Variants in ABHD16A observed in about 807,000 individuals in gnomAD.
ABHD16A encodes phosphatidylserine lipase ABHD16A.
A neutral mutation model predicts 89.8 loss-of-function variants in ABHD16A; 47 were observed. The ratio of observed to expected loss-of-function variants is 0.52; its 90% CI spans 0.41 to 0.67. ABHD16A has a LOEUF of 0.67. Ranked by LOEUF, ABHD16A falls within the 30% of genes least tolerant of loss-of-function variation. The pLI, the probability that ABHD16A is intolerant of heterozygous loss-of-function variation, is 0.00. For synonymous variants in ABHD16A, 251 were observed against 280.4 expected (o/e 0.90, Z 1.05); for missense variants, 580 against 734.6 (o/e 0.79, Z 2.43).
In ABHD16A at chr6:31,703,295, G is replaced by A. The variant is rs765044405; in HGVS notation, c.-14C>T. The A allele has an allele frequency of 1.5e-6, 2 of 1,342,654 alleles. No homozygotes were observed. The highest frequency in any genetic ancestry group is 2.3e-5 in the South Asian group (1 of 44,314). The allele number at this position is 1,342,654 out of a possible 1,614,324, so 83.2% of individuals were successfully genotyped here. ...CAGCTTCGCCATGGCCCCGGCTCGG[G>A]CCGCTGCTCTTCCAGCAGCAGGTCC... On this transcript the variant is annotated 5_prime_UTR_variant, in exon 1 of 20. Coordinates refer to ENST00000395952, the MANE Select transcript of ABHD16A (RefSeq NM_021160.3).
intron 8 of ABHD16A, 60 bp from the exon 9 acceptor site, chr6:31,691,740 G>A: frequency 6.5e-7 from 1 of 1,538,168 alleles, no homozygotes; most frequent in South Asian, 1.2e-5. Flanking sequence ...TCACAGGGGT[G>A]GGGCGGGGTG....
In ABHD16A at chr6:31,693,660, T is replaced by C. The variant is rs973461086; in HGVS notation, c.430-228A>G. On this transcript the variant is annotated intron_variant, in intron 5 of 19. Transcript: ENST00000395952. This position sits in a 1 kb window ranked among gnomAD's most constrained non-coding sequence, Gnocchi z 5.0. ...ATCAGGACTGGCCTGTCTGCCCTCT[T>C]CCAAGCTAAGAACCTAACACTCTGC... 3.9e-5 allele frequency among the ~76,000 whole-genome samples: 6 copies of C among 152,140 alleles called. No individual in the cohort carries two copies. Among genetic ancestry groups the C allele is most frequent in the African/African-American group, 1.4e-4 (6 of 41,432 alleles).
chr6:31,702,815 C>T, intron 1 of ABHD16A: 1 of 1,417,320 alleles, frequency 7.1e-7, no homozygotes, highest in Non-Finnish European at 9.2e-7. Flanking sequence ...CAGCAAAATT[C>T]AACGGCTCCC....
chr6:31,697,516 C>T (rs1358596199), intron 4 of ABHD16A, among the ~76,000 whole-genome samples: 1 of 152,200 alleles, frequency 6.6e-6, no homozygotes, highest in South Asian at 2.1e-4. Flanking sequence ...TACTTCCTCA[C>T]TGAATTCCTG....
In ABHD16A at chr6:31,689,024, C is replaced by A; in HGVS notation, c.1177G>T (p.Asp393Tyr). 1.3e-5 allele frequency: 21 copies of A among 1,613,496 alleles called. No homozygotes were observed. The highest frequency in any genetic ancestry group is 1.7e-5 in the Non-Finnish European group (20 of 1,179,674). ...TGGGAGCTGCACTCACTCCAGCTGT[C>A]TGGCATGACCTTCAAGGCCAAGGGC... ...LVPLALKVMP[D>Y]SWRGLVTRTV... is the part of the protein sequence containing the mutation. Residue 393 changes from aspartate to tyrosine, a missense_variant, in exon 13 of 20, where the codon GAC becomes TAC. Transcript: ENST00000395952.
At chr6:31,701,098 C>T in intron 3 of ABHD16A, 70 bp from the exon 4 acceptor site, 1 of 1,409,836 alleles carries the variant, frequency 7.1e-7, no homozygotes, top group Non-Finnish European at 1.0e-6. Context: ...CAGTTCAGCC[C>T]CAACCTCCAC....
At chr6:31,689,969 G>A (rs559550140) in intron 11 of ABHD16A, 109 bp downstream of exon 11, 2 of 1,302,388 alleles carry the variant, frequency 1.5e-6, no homozygotes, top group East Asian at 2.6e-5. Context: ...GCCCTCAGGT[G>A]AGTGGGACGC....
In ABHD16A at chr6:31,687,563, C is replaced by T; in HGVS notation, c.1547-19G>A. 1.2e-6 allele frequency: 2 copies of T among 1,613,034 alleles called. No individual in the cohort carries two copies. The highest frequency in any genetic ancestry group is 2.2e-5 in the South Asian group (2 of 91,074). On this transcript the variant is annotated intron_variant, in intron 18 of 19. Transcript: ENST00000395952. The surrounding 1 kb of genome is among the most constrained non-coding windows in gnomAD (Gnocchi z 6.3). ...TCCTCCCCTGCAGAGAGGAGGCGCT[C>T]AAAATAGGCCACACATCTGGGTATT...
At chr6:31,697,187 T>C (rs1024425344) in intron 4 of ABHD16A, among the ~76,000 whole-genome samples, 154 bp from the exon 5 acceptor site, 17 of 152,216 alleles carry the variant, frequency 1.1e-4, no homozygotes, top group Non-Finnish European at 2.4e-4. Flanking sequence ...GAAATAGATG[T>C]GAGCCAACCC....
chr6:31,702,551 A>G (rs1805117288), intron 1 of ABHD16A: 2 of 1,376,496 alleles, frequency 1.5e-6, no homozygotes, highest in Non-Finnish European at 1.9e-6. Flanking sequence ...GGCAGTTTGT[A>G]GGAGACAGTA....
At chr6:31,695,584 G>A (rs1804308723) in intron 5 of ABHD16A, among the ~76,000 whole-genome samples, 1 of 152,102 alleles carries the variant, frequency 6.6e-6, no homozygotes, top group African/African-American at 2.4e-5. Context: ...TTAGCTGGGC[G>A]TGGTGGCGCA....
Position 31,690,054 on chromosome 6 carries a change from A to AAGGG in ABHD16A, c.957+20_957+23dup. The AAGGG allele has an allele frequency of 6.4e-7, 1 of 1,568,782 alleles. No homozygotes were observed. The highest frequency in any genetic ancestry group is 1.4e-5 in the African/African-American group (1 of 73,424). ...GAAACAGACATAATTCAGGAAAAGG[A>AAGGG]AGGGATTCCTGAGATGGTCTCACCG... On this transcript the variant is annotated intron_variant, in intron 11 of 19. Coordinates refer to ENST00000395952, the MANE Select transcript of ABHD16A (RefSeq NM_021160.3). This position sits in a 1 kb window ranked among gnomAD's most constrained non-coding sequence, Gnocchi z 4.1.
Position 31,689,564 on chromosome 6 carries a change from G to A in ABHD16A, c.1081+17C>T, listed in dbSNP as rs779629528. On this transcript the variant is annotated intron_variant, in intron 12 of 19. Coordinates refer to ENST00000395952, the MANE Select transcript of ABHD16A (RefSeq NM_021160.3). ...CATGAATGTGTCTACAGTGGGGGAT[G>A]GGAGGGAGGCTGGTACCAGTGAAGC... 3 of 1,571,388 alleles carry A rather than the reference G, an allele frequency of 1.9e-6. No individual in the cohort carries two copies. The highest frequency in any genetic ancestry group is 2.7e-5 in the African/African-American group (2 of 74,044).
At chr6:31,692,904 C>A (rs746680997) in intron 7 of ABHD16A, 123 bp downstream of exon 7, 8 of 1,371,882 alleles carry the variant, frequency 5.8e-6, no homozygotes, top group Non-Finnish European at 7.2e-6. Flanking sequence ...AAATGATCTA[C>A]ACAAACCATA....
rs959736569 is a variant in ABHD16A at position 31,694,541 on chromosome 6, C to T, written c.430-1109G>A. ...AGTAGCTGGGACTACAGGTGCCTGC[C>T]ACCACCATGCCCGGCTAATTTTTGT... On this transcript the variant is annotated intron_variant, in intron 5 of 19. Transcript: ENST00000395952. Among the ~76,000 whole-genome samples the T allele has an allele frequency of 6.6e-5, 10 of 152,026 alleles. No individual in the cohort carries two copies. In the South Asian group the frequency reaches 1.0e-3, roughly 16 times the overall value.
intron 12 of ABHD16A, 117 bp downstream of exon 12, chr6:31,689,464 C>G: frequency 7.4e-7 from 1 of 1,353,846 alleles, no homozygotes; most frequent in Non-Finnish European, 9.8e-7. Flanking sequence ...CTCAGAGATT[C>G]TACTTCCTCT....
chr6:31,700,733 T>TAA (rs879455056), intron 4 of ABHD16A, among the ~76,000 whole-genome samples: 28 of 142,704 alleles, frequency 2.0e-4, no homozygotes, highest in African/African-American at 6.1e-4. Flanking sequence ...CCCTATCTCT[T>TAA]AAAAAAAAAA....
In ABHD16A at chr6:31,687,584, G is replaced by T. The variant is rs763124323; in HGVS notation, c.1547-40C>A. 1.2e-6 allele frequency: 2 copies of T among 1,612,924 alleles called. No homozygotes were observed. Among genetic ancestry groups the T allele is most frequent in the Non-Finnish European group, 1.7e-6 (2 of 1,179,976 alleles). ...CGCTCAAAATAGGCCACACATCTGG[G>T]TATTCATCCCCTTCCTAGGCCCTTC... On this transcript the variant is annotated intron_variant, in intron 18 of 19. Coordinates refer to ENST00000395952, the MANE Select transcript of ABHD16A (RefSeq NM_021160.3). The surrounding 1 kb of genome is among the most constrained non-coding windows in gnomAD (Gnocchi z 6.3).
Position 31,689,588 on chromosome 6 carries a change from G to T in ABHD16A, c.1074C>A (p.Gly358=), listed in dbSNP as rs1308840551. ...TGGGAGGGAGGCTGGTACCAGTGAA[G>T]CCGCCGATGGACCAGGCGTAGATGA... ...DIIIYAWSIG[G]FTATWAAMSY... The change falls in exon 12 of 20, where the codon GGC becomes GGA. Residue 358 remains glycine (G), a synonymous_variant. Coordinates refer to ENST00000395952, the MANE Select transcript of ABHD16A (RefSeq NM_021160.3). The T allele has an allele frequency of 1.3e-6, 2 of 1,593,870 alleles. No homozygotes were observed. The highest frequency in any genetic ancestry group is 2.7e-5 in the African/African-American group (2 of 74,496).
Sources: gnomAD v4.1 joint callset for allele counts (sites outside exome capture counted in the v4.1 genomes callset) on GRCh38, gnomAD v4.1.1 for gene constraint, Gnocchi (gnomAD v3.1) non-coding constraint, MANE v1.5 for transcripts, NCBI Gene and HGNC (gene_info 2026-07-23, HGNC 2026-07-21) for gene names.